The following EPB41 variants were observed in gnomAD, a reference collection of about 807,000 sequenced individuals.
EPB41 encodes the protein protein 4.1.
Under a neutral mutation model 108.0 loss-of-function variants are expected in EPB41, and 65 were observed. That is an observed-to-expected ratio of 0.60 (90% confidence interval 0.49 to 0.74). EPB41 has a LOEUF of 0.74. EPB41 is among the 30% of genes least tolerant of loss of function. The pLI, the probability that EPB41 is intolerant of heterozygous loss-of-function variation, is 0.00. For synonymous variants in EPB41, 336 were observed against 358.9 expected (o/e 0.94, Z 0.72); for missense variants, 875 against 1,037.0 (o/e 0.84, Z 2.15).
intron 17 of EPB41, among the ~76,000 whole-genome samples, chr1:29,099,057 C>G (rs899406979): frequency 1.3e-5 from 2 of 148,980 alleles, no homozygotes; most frequent in Non-Finnish European, 3.0e-5. Context: ...GCCTGTAATA[C>G]CAGCACTTTG....
chr1:28,912,405 A>G (rs2092302773), upstream of EPB41, among the ~76,000 whole-genome samples: 1 of 152,096 alleles, frequency 6.6e-6, no homozygotes, highest in Non-Finnish European at 1.5e-5. Context: ...GGGTTTTATG[A>G]TGTTTCAAAT....
chr1:29,019,035 A>T (rs1195907881), intron 7 of EPB41, among the ~76,000 whole-genome samples: 1 of 152,150 alleles, frequency 6.6e-6, no homozygotes, highest in Non-Finnish European at 1.5e-5. Context: ...TAGGTCTTTC[A>T]ATTATAATGT....
intron 15 of EPB41, among the ~76,000 whole-genome samples, chr1:29,063,302 A>T (rs1646846876): frequency 6.6e-6 from 1 of 152,226 alleles, no homozygotes; most frequent in South Asian, 2.1e-4. Flanking sequence ...GTCCATATTC[A>T]TAAAATATAT....
chr1:29,019,118 T>A (rs1272559901), intron 7 of EPB41, among the ~76,000 whole-genome samples: 2 of 152,116 alleles, frequency 1.3e-5, no homozygotes, highest in East Asian at 3.9e-4. Flanking sequence ...CTGCTAGGTT[T>A]AGAAAAGGTA....
chr1:28,915,311 G>A (rs1350860937), intron 1 of EPB41, among the ~76,000 whole-genome samples: 1 of 152,164 alleles, frequency 6.6e-6, no homozygotes, highest in Non-Finnish European at 1.5e-5. Context: ...TTAGTCTTCT[G>A]GGTTCCCAGC....
rs1572089649 is a variant in EPB41, at chr1:28,993,400, C to T, written c.539C>T (p.Ser180Phe). Residue 180 changes from serine to phenylalanine, a missense_variant, in exon 3 of 21, where the codon TCC (serine) becomes TTC (phenylalanine). Ser to Phe is a radical substitution (Grantham distance 155). This residue lies in a region of EPB41 where 353 missense variants were observed against 393.2 expected (regional missense o/e 0.90). Coordinates refer to ENST00000343067, the MANE Select transcript of EPB41 (RefSeq NM_001376013.1). ...GAAGGAGAAGGACTTGAAGAGTGCT[C>T]CAAAATAGAAGTAAAAGAAGAAAGC... The part of the protein sequence containing the change: ...IKEGEGLEEC[S>F]KIEVKEESPQ... 7.4e-6 allele frequency: 12 copies of T among 1,613,756 alleles called. No individual in the cohort carries two copies. The highest frequency in any genetic ancestry group is 4.4e-5 in the South Asian group (4 of 91,048).
intron 7 of EPB41, among the ~76,000 whole-genome samples, chr1:29,020,928 C>G (rs1218228346): frequency 6.6e-6 from 1 of 152,166 alleles, no homozygotes; most frequent in Non-Finnish European, 1.5e-5. Flanking sequence ...CAGGCATGAA[C>G]CTCTGCGCCC....
At chr1:29,116,150 C>CTTT (rs537469371) in intron 20 of EPB41, among the ~76,000 whole-genome samples, 180 of 113,672 alleles carry the variant, frequency 1.6e-3, no homozygotes, top group Non-Finnish European at 1.9e-3. Flanking sequence ...ACAGGTCTCT[C>CTTT]TTTTTTTTTT....
chr1:29,077,418 C>G (rs548711003), intron 16 of EPB41, among the ~76,000 whole-genome samples: 1 of 151,958 alleles, frequency 6.6e-6, no homozygotes, highest in South Asian at 2.1e-4. Flanking sequence ...AAAAAAAGCT[C>G]TTATGTATTT....
chr1:28,900,556 G>A (rs1236031650), intron 1 of EPB41, among the ~76,000 whole-genome samples: 2 of 152,094 alleles, frequency 1.3e-5, no homozygotes, highest in African/African-American at 4.8e-5. Context: ...CCAAAGTGCT[G>A]GGATTACAGG....
At chr1:29,075,807 A>G (rs74065243) in intron 16 of EPB41, among the ~76,000 whole-genome samples, 42 of 152,318 alleles carry the variant, frequency 2.8e-4, no homozygotes, top group African/African-American at 9.9e-4. Context: ...ACTCTATTAT[A>G]TATTACAAGG....
chr1:28,993,622 A>C, intron 3 of EPB41, 80 bp downstream of exon 3: 1 of 1,213,314 alleles, frequency 8.2e-7, no homozygotes, highest in Non-Finnish European at 1.2e-6. Flanking sequence ...GATTTTGCCC[A>C]CGATAAGACT....
intron 1 of EPB41, among the ~76,000 whole-genome samples, chr1:28,896,502 C>A (rs970895510): frequency 2.0e-5 from 3 of 152,222 alleles, no homozygotes; most frequent in African/African-American, 7.2e-5. Flanking sequence ...TCCCCACCTT[C>A]CCCACCGGGA....
chr1:28,903,858 T>TTTG (rs2091528867), intron 1 of EPB41, among the ~76,000 whole-genome samples: 1 of 151,826 alleles, frequency 6.6e-6, no homozygotes. Context: ...GTGCAGTTTT[T>TTTG]TTGTTGTTGT....
intron 15 of EPB41, among the ~76,000 whole-genome samples, chr1:29,062,123 A>G (rs970130306): frequency 6.6e-6 from 1 of 152,222 alleles, no homozygotes; most frequent in African/African-American, 2.4e-5. Context: ...AGATATTTCA[A>G]ACTTGGCAAC....
At chr1:28,924,862 T>G (rs1344265464) in intron 1 of EPB41, among the ~76,000 whole-genome samples, 1 of 151,948 alleles carries the variant, frequency 6.6e-6, no homozygotes, top group Non-Finnish European at 1.5e-5. Flanking sequence ...AGTGGTGTGG[T>G]CACAGCTCAC....
chr1:29,096,247 G>A (rs1039873009), intron 16 of EPB41: 19 of 985,800 alleles, frequency 1.9e-5, no homozygotes, highest in Non-Finnish European at 2.2e-5. Flanking sequence ...CCAAGCATTC[G>A]GTAGTTCCTA....
At chr1:28,925,896 G>A (rs150538673) in intron 1 of EPB41, among the ~76,000 whole-genome samples, 2 of 152,262 alleles carry the variant, frequency 1.3e-5, no homozygotes, top group East Asian at 1.9e-4. Context: ...TACATGTTAA[G>A]TGAGCAGGAC....
chr1:28,967,959 C>CA (rs2095403679), intron 1 of EPB41, among the ~76,000 whole-genome samples: 1 of 152,082 alleles, frequency 6.6e-6, no homozygotes, highest in Non-Finnish European at 1.5e-5. Context: ...CATGCACCGC[C>CA]ACGCCTGGCA....
Sources: gnomAD v4.1 joint callset for allele counts (sites outside exome capture counted in the v4.1 genomes callset) on GRCh38, gnomAD v4.1.1 for gene constraint, gnomAD v4.1.1 regional missense constraint, MANE v1.5 for transcripts, NCBI Gene and HGNC (gene_info 2026-07-23, HGNC 2026-07-21) for gene names.